The following UNC13B variants were observed in gnomAD, a reference collection of about 807,000 sequenced individuals.
The protein encoded by UNC13B is unc-13 homolog B, also known as protein unc-13 homolog B.
A neutral mutation model predicts 211.0 loss-of-function variants in UNC13B; 144 were observed. The ratio of observed to expected loss-of-function variants is 0.68; its 90% confidence interval spans 0.60 to 0.78. UNC13B has a LOEUF of 0.78. UNC13B is among the 30% of genes least tolerant of loss of function. The pLI is 0.00. For missense variants in UNC13B, 1,777 were observed against 2,002.0 expected, an observed-to-expected ratio of 0.89 and a Z score of 2.14; for synonymous variants, 709 against 725.8, an observed-to-expected ratio of 0.98 and a Z score of 0.37.
intron 1 of UNC13B, among the ~76,000 whole-genome samples, chr9:35,205,744 C>A (rs566544285): frequency 1.3e-5 from 2 of 152,130 alleles, no homozygotes; most frequent in African/African-American, 4.8e-5. Context: ...CCTTTTTATG[C>A]CTGAATAATA....
chr9:35,399,204 C>T lies in UNC13B; in HGVS notation c.12118C>T (p.Arg4040Cys), dbSNP rs756560330. ...ATVCEKTVLK[R>C]VLKELWRVVM... Reference sequence around the variant, plus strand: ...TGTGTGTGAGAAGACGGTTCTGAAGCGTGTACTGAAGGAGCTCTGGCGCGT... The same window carrying T: ...TGTGTGTGAGAAGACGGTTCTGAAGTGTGTACTGAAGGAGCTCTGGCGCGT... The change falls in exon 34 of 40, where the codon CGT becomes TGT. Residue 4040 changes from arginine to cysteine, a missense_variant. Coordinates refer to ENST00000635942, the MANE Select transcript of UNC13B (RefSeq NM_001371189.2). 1.2e-5 allele frequency: 19 copies of T among 1,613,980 alleles called. No homozygotes were observed. Among genetic ancestry groups the T allele is most frequent in the African/African-American group, 4.0e-5 (3 of 74,886 alleles).
chr9:35,264,701 T>A (rs1292581301), intron 7 of UNC13B, among the ~76,000 whole-genome samples: 1 of 152,172 alleles, frequency 6.6e-6, no homozygotes, highest in African/African-American at 2.4e-5. Flanking sequence ...GGTCATTTAC[T>A]TCATTATGTA....
intron 32 of UNC13B, 115 bp downstream of exon 32, chr9:35,398,757 T>C: frequency 6.4e-7 from 1 of 1,555,664 alleles, no homozygotes; most frequent in Non-Finnish European, 8.8e-7. Flanking sequence ...TTCCCTGTAC[T>C]CCTGCTGACT....
chr9:35,284,032 G>A (rs1165193183), intron 7 of UNC13B, among the ~76,000 whole-genome samples: 3 of 152,268 alleles, frequency 2.0e-5, no homozygotes, highest in Middle Eastern at 3.4e-3. Context: ...GGCTGAGGCC[G>A]GGGGATCACT....
Position 35,301,601 on chromosome 9 carries a change from G to T in UNC13B, c.2197G>T (p.Val733Leu), listed in dbSNP as rs1829688309. Residue 733 changes from valine (V) to leucine (L), a missense_variant, in exon 9 of 40, where the codon GTA becomes TTA. Val to Leu is a conservative substitution (Grantham distance 32). Coordinates refer to ENST00000635942, the MANE Select transcript of UNC13B (RefSeq NM_001371189.2). ...PTSENLLSSQ[V>L]TSEPSNLVSS... ...AAGTGAGAATTTGTTGTCCTCCCAA[G>T]TAACCAGTGAACCTTCAAACTTAGT... 2.5e-6 allele frequency: 1 copy of T among 398,750 alleles called. No homozygotes were observed. Among genetic ancestry groups the T allele is most frequent in the Non-Finnish European group, 4.4e-6 (1 of 225,944 alleles). 24.7% of individuals were successfully genotyped at this position (398,750 alleles called of 1,614,324 possible). A position where few individuals can be genotyped will look rare whatever the true frequency, so the allele number is the denominator to read the frequency against.
chr9:35,389,124 G>T (rs1411600468), intron 24 of UNC13B, among the ~76,000 whole-genome samples: 1 of 152,114 alleles, frequency 6.6e-6, no homozygotes, highest in African/African-American at 2.4e-5. Context: ...TGACTTAGTG[G>T]GAGATAATGT....
intron 1 of UNC13B, among the ~76,000 whole-genome samples, chr9:35,205,830 A>C (rs1415921836): frequency 6.6e-6 from 1 of 152,086 alleles, no homozygotes; most frequent in East Asian, 1.9e-4. Context: ...CCACTTTTGG[A>C]CTGTAATGAG....
Position 35,366,927 on chromosome 9 carries a change from T to C in UNC13B, c.9415-20T>C. The stretch of plus-strand genomic sequence containing the variant: ...CCCATCTTTCCCAGGATCTAACTTG[T>C]TTCCTATCTCTTTTTAAAGATTCCA... On this transcript the variant is annotated intron_variant, in intron 11 of 39. Transcript: ENST00000635942. 6.2e-7 allele frequency: 1 copy of C among 1,611,252 alleles called. No homozygotes were observed. The highest frequency in any genetic ancestry group is 1.1e-5 in the South Asian group (1 of 91,004).
At chr9:35,384,142 C>T (rs561096914) in intron 21 of UNC13B, 104 bp from the exon 22 acceptor site, 29 of 1,542,038 alleles carry the variant, frequency 1.9e-5, no homozygotes, top group Middle Eastern at 1.8e-4. Flanking sequence ...CAATGCCTCC[C>T]GACTCTTTCT....
rs555828297 is a variant in UNC13B, at chr9:35,218,923, A to G, written c.23-9092A>G. ...CACCACCACGCCTGGCTAATTTTGTATTTTTAGTAGAGATGGGGTTTCTCC... is the reference window on the plus strand; with the variant it reads ...CACCACCACGCCTGGCTAATTTTGTGTTTTTAGTAGAGATGGGGTTTCTCC... On this transcript the variant is annotated intron_variant, in intron 1 of 39. Coordinates refer to ENST00000635942, the MANE Select transcript of UNC13B (RefSeq NM_001371189.2). Among the ~76,000 whole-genome samples, 3 of 151,710 alleles carry G rather than the reference A, an allele frequency of 2.0e-5. No homozygotes were observed. The East Asian group carries it at 5.8e-4, about 30-fold the overall frequency.
At chr9:35,367,941 C>T (rs1833878788) in intron 12 of UNC13B, among the ~76,000 whole-genome samples, 1 of 152,202 alleles carries the variant, frequency 6.6e-6, no homozygotes, top group Non-Finnish European at 1.5e-5. Context: ...ACAAAGGCTT[C>T]TGACATCAGA....
chr9:35,358,176 C>T (rs1427786132), intron 11 of UNC13B, among the ~76,000 whole-genome samples: 2 of 152,222 alleles, frequency 1.3e-5, no homozygotes, highest in Non-Finnish European at 2.9e-5. Context: ...TTCCATTGTA[C>T]ACATGTATCA....
At chr9:35,390,217 T>A (rs574547791) in intron 25 of UNC13B, among the ~76,000 whole-genome samples, 1 of 152,194 alleles carries the variant, frequency 6.6e-6, no homozygotes, top group African/African-American at 2.4e-5. Flanking sequence ...GGACTGGGAC[T>A]GCCATAGGAG....
intron 11 of UNC13B, among the ~76,000 whole-genome samples, chr9:35,344,143 C>T (rs1832200978): frequency 6.6e-6 from 1 of 152,110 alleles, no homozygotes; most frequent in African/African-American, 2.4e-5. Flanking sequence ...CACAGCATCC[C>T]TGGGGTAACA....
At chr9:35,376,950 G>A (rs1834457584) in intron 15 of UNC13B, among the ~76,000 whole-genome samples, 1 of 152,188 alleles carries the variant, frequency 6.6e-6, no homozygotes, top group African/African-American at 2.4e-5. Flanking sequence ...AAGCAGGGGT[G>A]AAGGAAGTGG....
intron 1 of UNC13B, among the ~76,000 whole-genome samples, chr9:35,204,295 G>A (rs1266956965): frequency 6.6e-6 from 1 of 152,254 alleles, no homozygotes; most frequent in African/African-American, 2.4e-5. Flanking sequence ...GAGCCCTCAT[G>A]GAGAACCTCT....
At chr9:35,397,117 G>T in intron 28 of UNC13B, 50 bp from the exon 29 acceptor site, 2 of 1,609,286 alleles carry the variant, frequency 1.2e-6, no homozygotes, top group South Asian at 2.2e-5. Context: ...CTACAAGCTT[G>T]GGAAAAGATA....
At chr9:35,218,686 C>T (rs1343550145) in intron 1 of UNC13B, among the ~76,000 whole-genome samples, 4 of 151,796 alleles carry the variant, frequency 2.6e-5, no homozygotes, top group Admixed American at 2.0e-4. Context: ...CGTGAGCCAC[C>T]GCGTCTGGTT....
At chr9:35,379,838 C>CAA (rs1343498469) in intron 17 of UNC13B, among the ~76,000 whole-genome samples, 1 of 152,124 alleles carries the variant, frequency 6.6e-6, no homozygotes, top group Non-Finnish European at 1.5e-5. Flanking sequence ...TTGCCAGTTA[C>CAA]AACTTTTGGG....
Sources: gnomAD v4.1 joint callset for allele counts (sites outside exome capture counted in the v4.1 genomes callset) on GRCh38, gnomAD v4.1.1 for gene constraint, MANE v1.5 for transcripts, NCBI Gene and HGNC (gene_info 2026-07-23, HGNC 2026-07-21) for gene names.